Variants in OSBPL10 observed in about 807,000 individuals in gnomAD.
OSBPL10 encodes oxysterol binding protein like 10.
Under a neutral mutation model 81.7 loss-of-function variants are expected in OSBPL10, and 49 were observed. The ratio of observed to expected loss-of-function variants is 0.60; its 90% CI spans 0.48 to 0.76. OSBPL10 has a LOEUF of 0.76. Among genes scored for constraint, OSBPL10 ranks in the 30% least tolerant of loss-of-function variants. The pLI is 0.00. For missense variants in OSBPL10, 923 were observed against 987.8 expected (o/e 0.93, Z 0.88); for synonymous variants, 419 against 383.6 (o/e 1.09, Z -1.08).
intron 4 of OSBPL10, among the ~76,000 whole-genome samples, chr3:31,767,471 T>C (rs1408247074): frequency 6.6e-6 from 1 of 152,230 alleles, no homozygotes; most frequent in Non-Finnish European, 1.5e-5. Flanking sequence ...AGGTTACATC[T>C]GCCTAGAAAG....
At chr3:31,803,803 T>C (rs147943241) in intron 4 of OSBPL10, among the ~76,000 whole-genome samples, 5 of 152,324 alleles carry the variant, frequency 3.3e-5, no homozygotes, top group African/African-American at 7.2e-5. Context: ...ATTTCCTAGA[T>C]TGGGGTCATG....
At chr3:31,959,257 AG>A (rs1698093082) in intron 1 of OSBPL10, among the ~76,000 whole-genome samples, 1 of 152,222 alleles carries the variant, frequency 6.6e-6, no homozygotes, top group South Asian at 2.1e-4. Context: ...TGAATTTACA[AG>A]TCCACCTTCT....
chr3:31,801,765 T>C (rs569334133), intron 4 of OSBPL10, among the ~76,000 whole-genome samples: 16 of 152,298 alleles, frequency 1.1e-4, no homozygotes, highest in African/African-American at 3.8e-4. Flanking sequence ...GCCATGAGGT[T>C]ATGGTCAGAC....
intron 4 of OSBPL10, among the ~76,000 whole-genome samples, chr3:31,812,822 A>AAGAAAGAAAGAAAG (rs1699742012): frequency 3.3e-5 from 4 of 119,808 alleles, no homozygotes; most frequent in Admixed American, 8.1e-5. Context: ...AAGAAAGAGA[A>AAGAAAGAAAGAAAG]AGAAAGAAAG....
intron 1 of OSBPL10, among the ~76,000 whole-genome samples, chr3:31,892,687 G>A (rs1340542435): frequency 6.6e-6 from 1 of 152,154 alleles, no homozygotes; most frequent in Non-Finnish European, 1.5e-5. Context: ...TTCGACTGGG[G>A]CAGCAGGGTT....
intron 6 of OSBPL10, among the ~76,000 whole-genome samples, chr3:31,725,302 T>G (rs77795485): frequency 0.098 from 14,863 of 152,172 alleles, 1,794 homozygotes; most frequent in African/African-American, 0.29. Context: ...CATAACAACA[T>G]TATGGCTCTT....
chr3:32,074,710 G>A (rs571662050), intron 1 of OSBPL10, among the ~76,000 whole-genome samples: 3 of 152,114 alleles, frequency 2.0e-5, no homozygotes, highest in South Asian at 2.1e-4. Flanking sequence ...CATGAAAACC[G>A]AACCCCTCCC....
intron 11 of OSBPL10, chr3:31,663,179 A>G: frequency 1.0e-6 from 1 of 985,456 alleles, no homozygotes; most frequent in Non-Finnish European, 1.2e-6. Flanking sequence ...TGGGCTAAGG[A>G]AAGCCCACAG....
At chr3:31,694,996 C>T (rs576484986) in intron 7 of OSBPL10, among the ~76,000 whole-genome samples, 22 of 152,292 alleles carry the variant, frequency 1.4e-4, no homozygotes, top group Admixed American at 2.6e-4. Flanking sequence ...TCAGGTGATC[C>T]GCCCACCTCA....
chr3:31,699,566 G>A (rs1695831390), intron 7 of OSBPL10, among the ~76,000 whole-genome samples: 1 of 152,200 alleles, frequency 6.6e-6, no homozygotes, highest in Non-Finnish European at 1.5e-5. Flanking sequence ...GGGGCACAGT[G>A]GAAAGTGAAA....
chr3:31,663,321 T>A (rs1464830615), intron 11 of OSBPL10: 1 of 985,372 alleles, frequency 1.0e-6, no homozygotes. Context: ...CACTGGAAGA[T>A]GAGTGGCATC....
intron 1 of OSBPL10, among the ~76,000 whole-genome samples, chr3:31,908,748 TC>T (rs1198836931): frequency 6.6e-6 from 1 of 152,216 alleles, no homozygotes; most frequent in Non-Finnish European, 1.5e-5. Flanking sequence ...ACAGTCCATT[TC>T]CATAGGCCAG....
chr3:31,711,958 G>C (rs1163436655), intron 6 of OSBPL10, among the ~76,000 whole-genome samples: 1 of 152,124 alleles, frequency 6.6e-6, no homozygotes, highest in Non-Finnish European at 1.5e-5. Context: ...GCGTGCCCAG[G>C]GTGATCAGAG....
chr3:31,775,439 C>G (rs1179093610), intron 4 of OSBPL10, among the ~76,000 whole-genome samples: 1 of 151,928 alleles, frequency 6.6e-6, no homozygotes, highest in African/African-American at 2.4e-5. Context: ...CTGGAGAAAC[C>G]TAGGAAAAGA....
At chr3:31,913,152 T>C (rs1158431622) in intron 1 of OSBPL10, among the ~76,000 whole-genome samples, 1 of 152,182 alleles carries the variant, frequency 6.6e-6, no homozygotes, top group Admixed American at 6.5e-5. Flanking sequence ...ATGAGGGGAC[T>C]ATAATACCAC....
chr3:31,855,195 G>GTT lies in OSBPL10; in HGVS notation c.537+21236_537+21237dup, dbSNP rs58093141. On this transcript the variant is annotated intron_variant, in intron 3 of 11. Coordinates refer to ENST00000396556, the MANE Select transcript of OSBPL10 (RefSeq NM_017784.5). ...ATGTGCCACCCTGGCTAATTTTTAA[G>GTT]TTTTTTTGTGCACACAAGGTCTTGC... 1.3e-4 allele frequency among the ~76,000 whole-genome samples: 19 copies of GTT among 151,994 alleles called. No homozygotes were observed. In the East Asian group the frequency reaches 3.3e-3, roughly 26 times the overall value.
At chr3:31,798,381 G>A (rs536401767) in intron 4 of OSBPL10, among the ~76,000 whole-genome samples, 2 of 149,856 alleles carry the variant, frequency 1.3e-5, no homozygotes, top group South Asian at 4.2e-4. Context: ...AGTGAGCCGA[G>A]ATCACACCAT....
intron 3 of OSBPL10, among the ~76,000 whole-genome samples, chr3:31,846,520 GGAGGCT>G (rs999899600): frequency 5.9e-5 from 9 of 152,012 alleles, no homozygotes; most frequent in East Asian, 1.9e-4. Context: ...CAGCTACTTG[GGAGGCT>G]GAGGCTGAGG....
chr3:31,834,513 A>G (rs533359111), intron 3 of OSBPL10, among the ~76,000 whole-genome samples: 2 of 152,168 alleles, frequency 1.3e-5, no homozygotes, highest in African/African-American at 4.8e-5. Context: ...GAGCCTGTCC[A>G]GGCATCTGCA....
Sources: gnomAD v4.1 joint callset for allele counts (sites outside exome capture counted in the v4.1 genomes callset) on GRCh38, gnomAD v4.1.1 for gene constraint, MANE v1.5 for transcripts, NCBI Gene and HGNC (gene_info 2026-07-23, HGNC 2026-07-21) for gene names.